OLFML2A: variants seen among roughly 807,000 people sequenced by gnomAD.
The protein encoded by OLFML2A is olfactomedin like 2A.
Under a neutral mutation model 60.9 loss-of-function variants are expected in OLFML2A, and 47 were observed. The observed-to-expected ratio is 0.77, with a 90% CI of 0.61 to 0.98. OLFML2A has a LOEUF of 0.98. Among genes scored for constraint, OLFML2A ranks in the 50% least tolerant of loss-of-function variants. OLFML2A has a pLI of 0.00. For synonymous variants in OLFML2A, 372 were observed against 375.0 expected (o/e 0.99, Z 0.09); for missense variants, 922 against 879.8 (o/e 1.05, Z -0.61).
In OLFML2A at chr9:124,777,257, G is replaced by A; in HGVS notation, c.-14G>A. The A allele has an allele frequency of 2.8e-6, 3 of 1,087,942 alleles. No individual in the cohort carries two copies. The highest frequency in any genetic ancestry group is 3.5e-6 in the Non-Finnish European group (3 of 853,316). The allele number at this position is 1,087,942 out of a possible 1,614,324, so 67.4% of individuals were successfully genotyped here. A position where few individuals can be genotyped will look rare whatever the true frequency, so the allele number is the denominator to read the frequency against. On this transcript the variant is annotated 5_prime_UTR_variant, in exon 1 of 8. In the 5' UTR this introduces an upstream ATG that the reference lacks. Transcript: ENST00000373580. The surrounding 1 kb of genome is among the most constrained non-coding windows in gnomAD (Gnocchi z 6.2). Reference sequence around the variant, plus strand: ...CCGTGCCCGGCCGCCTGTGCCTACCGTGCCCGTGGCGCCATGGCCGCTGCC... The same window carrying A: ...CCGTGCCCGGCCGCCTGTGCCTACCATGCCCGTGGCGCCATGGCCGCTGCC...
At chr9:124,790,265 C>A (rs959864655) in intron 2 of OLFML2A, among the ~76,000 whole-genome samples, 2 of 152,078 alleles carry the variant, frequency 1.3e-5, no homozygotes, top group South Asian at 2.1e-4. Context: ...CCCGGCTCCC[C>A]CTTTCAAGTG....
In OLFML2A at chr9:124,809,872, G is replaced by A; in HGVS notation, c.1419G>A (p.Gln473=). The part of the protein sequence containing the change: ...NWIGTGHVVY[Q]GAFYYNRAFT... ...TCGGCACAGGCCACGTGGTGTACCAGGGCGCCTTCTACTACAACCGCGCCT... is the reference window on the plus strand; with the variant it reads ...TCGGCACAGGCCACGTGGTGTACCAAGGCGCCTTCTACTACAACCGCGCCT... The change falls in exon 8 of 8, where the codon CAG becomes CAA. Residue 473 remains glutamine (Q), a synonymous_variant. Coordinates refer to ENST00000373580, the MANE Select transcript of OLFML2A (RefSeq NM_182487.4). The A allele has an allele frequency of 6.2e-7, 1 of 1,614,146 alleles. No individual in the cohort carries two copies. Among genetic ancestry groups the A allele is most frequent in the Non-Finnish European group, 8.5e-7 (1 of 1,180,004 alleles).
intron 3 of OLFML2A, among the ~76,000 whole-genome samples, chr9:124,796,091 G>C (rs4836993): frequency 0.52 from 79,697 of 152,094 alleles, 21,001 homozygotes; most frequent in Admixed American, 0.63. Context: ...TGCCAGGAGC[G>C]GGCGTGGGGG....
intron 6 of OLFML2A, 30 bp downstream of exon 6, chr9:124,804,372 T>C (rs982951519): frequency 5.4e-6 from 8 of 1,493,276 alleles, no homozygotes; most frequent in South Asian, 2.6e-5. Context: ...GTCAGCACAC[T>C]GTAGCCTGTG....
chr9:124,804,167 G>T lies in OLFML2A; in HGVS notation c.993G>T (p.Glu331Asp). The T allele has an allele frequency of 1.2e-6, 2 of 1,613,840 alleles. No homozygotes were observed. The highest frequency in any genetic ancestry group is 1.7e-5 in the Admixed American group (1 of 60,020). The stretch of plus-strand genomic sequence containing the variant: ...TGGAGGGCAGGTCCAACTCCGCAGA[G>T]CCCAACTCCGCAGAGCAGGATGAGG... ...PKVEGRSNSA[E>D]PNSAEQDEAE... The change falls in exon 6 of 8, where the codon GAG (glutamate) becomes GAT (aspartate). Residue 331 changes from glutamate (E) to aspartate (D), a missense_variant. Coordinates refer to ENST00000373580, the MANE Select transcript of OLFML2A (RefSeq NM_182487.4).
At chr9:124,791,756 A>G (rs7872530) in intron 2 of OLFML2A, among the ~76,000 whole-genome samples, 1,532 of 151,036 alleles carry the variant, frequency 0.01, 15 homozygotes, top group African/African-American at 0.026. Flanking sequence ...AAAAAAAAAA[A>G]AAAGAAAGAA....
At chr9:124,780,312 T>C (rs1841337951) in intron 1 of OLFML2A, among the ~76,000 whole-genome samples, 1 of 152,168 alleles carries the variant, frequency 6.6e-6, no homozygotes, top group Non-Finnish European at 1.5e-5. Flanking sequence ...AGTTTCCCCA[T>C]CTGTGAAAGG....
chr9:124,800,846 A>T (rs1554756869), intron 4 of OLFML2A: 1 of 1,425,566 alleles, frequency 7.0e-7, no homozygotes, highest in Non-Finnish European at 9.2e-7. Flanking sequence ...GGAAGTGAAA[A>T]TAACAAAACA....
Position 124,812,294 on chromosome 9 carries a change from G to A in OLFML2A, c.*1882G>A, listed in dbSNP as rs1479200534. 6.6e-6 allele frequency: 1 copy of A among 151,962 alleles called. No homozygotes were observed. The highest frequency in any genetic ancestry group is 1.5e-5 in the Non-Finnish European group (1 of 68,166). The allele number at this position is 151,962 out of a possible 1,614,324, so 9.4% of individuals were successfully genotyped here. On this transcript the variant is annotated 3_prime_UTR_variant, in exon 8 of 8. Coordinates refer to ENST00000373580, the MANE Select transcript of OLFML2A (RefSeq NM_182487.4). The stretch of plus-strand genomic sequence containing the variant: ...TCCTGCCTCAGCCTCCCTAGTAGCT[G>A]GGACTACAGCACCCACCACCACACC...
At chr9:124,785,314 C>T (rs1841445531) in intron 1 of OLFML2A, among the ~76,000 whole-genome samples, 1 of 150,358 alleles carries the variant, frequency 6.7e-6, no homozygotes, top group Non-Finnish European at 1.5e-5. Context: ...TGGGTTGTTT[C>T]TACCTTGTGG....
intron 2 of OLFML2A, among the ~76,000 whole-genome samples, chr9:124,787,651 C>T (rs867262717): frequency 2.6e-5 from 4 of 151,798 alleles, no homozygotes; most frequent in African/African-American, 4.8e-5. Flanking sequence ...CCTCCGTCCC[C>T]GGGTTCAAGC....
chr9:124,781,110 C>T (rs1462731001), intron 1 of OLFML2A, among the ~76,000 whole-genome samples: 1 of 152,138 alleles, frequency 6.6e-6, no homozygotes, highest in East Asian at 1.9e-4. Flanking sequence ...AATAGATTAC[C>T]AAGGAGGAGC....
chr9:124,784,451 CT>C, intron 1 of OLFML2A, among the ~76,000 whole-genome samples: 1 of 152,260 alleles, frequency 6.6e-6, no homozygotes, highest in South Asian at 2.1e-4. Context: ...ATCCACCCGC[CT>C]CGGCCTCCCA....
rs773764275 is a variant in OLFML2A at position 124,799,442 on chromosome 9, C to T, written c.620C>T (p.Ala207Val). Residue 207 changes from alanine to valine, a missense_variant, in exon 4 of 8, where the codon GCC (alanine) becomes GTC (valine). Coordinates refer to ENST00000373580, the MANE Select transcript of OLFML2A (RefSeq NM_182487.4). ...RLGLQLLQKD[A>V]AAAPATPATG... Reference sequence around the variant, plus strand: ...GGCCTCCAGCTGCTGCAGAAGGATGCCGCCGCCGCCCCTGCCACCCCTGCC... The same window carrying T: ...GGCCTCCAGCTGCTGCAGAAGGATGTCGCCGCCGCCCCTGCCACCCCTGCC... The T allele has an allele frequency of 1.2e-6, 2 of 1,608,450 alleles. No homozygotes were observed. The highest frequency in any genetic ancestry group is 1.7e-5 in the Admixed American group (1 of 59,130).
chr9:124,791,554 T>G (rs188954589), intron 2 of OLFML2A, among the ~76,000 whole-genome samples: 4 of 152,064 alleles, frequency 2.6e-5, no homozygotes, highest in Non-Finnish European at 4.4e-5. Context: ...CTGGCCAACG[T>G]GACAAAACCC....
Position 124,807,885 on chromosome 9 carries a change from C to G in OLFML2A, c.1273C>G (p.Arg425Gly). 7 of 1,614,072 alleles carry G rather than the reference C, an allele frequency of 4.3e-6. No homozygotes were observed. The highest frequency in any genetic ancestry group is 5.9e-6 in the Non-Finnish European group (7 of 1,179,974). ...AGCCTGGATGAAGGACCCTGCAGCT[C>G]GAGACGACAGGATCTATGTCACCAA... ...EGAWMKDPAARDDRIYVTNYY... is the reference protein window; with the variant it reads ...EGAWMKDPAAGDDRIYVTNYY... The change falls in exon 7 of 8, where the codon CGA becomes GGA. Residue 425 changes from arginine (R) to glycine (G), a missense_variant. Transcript: ENST00000373580.
rs3138850 is a variant in OLFML2A at position 124,786,749 on chromosome 9, GACACACACACACACACAC to G, written c.91-194_91-177del. Among the ~76,000 whole-genome samples the G allele has an allele frequency of 8.9e-4, 115 of 129,814 alleles. 2 individuals carry two copies. The South Asian group carries it at 0.02, about 23-fold the overall frequency. The allele number at this position is 129,814 out of a possible 152,430, so 85.2% of individuals were successfully genotyped here. On this transcript the variant is annotated intron_variant, in intron 1 of 7. Transcript: ENST00000373580. ...AAAAAAAAATACACGCAGAGACGTA[GACACACACACACACACAC>G]ACACACACACACACACACACACACA...
At chr9:124,792,123 C>T (rs192210677) in intron 2 of OLFML2A, among the ~76,000 whole-genome samples, 15 of 152,348 alleles carry the variant, frequency 9.8e-5, no homozygotes, top group East Asian at 1.9e-4. Flanking sequence ...TCCACACCTG[C>T]GCCCGGAAAA....
intron 4 of OLFML2A, chr9:124,800,813 C>T (rs897889906): frequency 7.4e-7 from 1 of 1,343,454 alleles, no homozygotes; most frequent in South Asian, 1.5e-5. Context: ...TTGTGCCAAG[C>T]CAGCATCGGA....
Sources: gnomAD v4.1 joint callset for allele counts (sites outside exome capture counted in the v4.1 genomes callset) on GRCh38, gnomAD v4.1.1 for gene constraint, Gnocchi (gnomAD v3.1) non-coding constraint, MANE v1.5 for transcripts, NCBI Gene and HGNC (gene_info 2026-07-23, HGNC 2026-07-21) for gene names.